The following TMEM165 variants were observed in gnomAD, a reference collection of about 807,000 sequenced individuals.
TMEM165 encodes the protein putative divalent cation/proton antiporter TMEM165.
In TMEM165, 19 loss-of-function variants were observed where a neutral mutation model predicts 30.0. The ratio of observed to expected loss-of-function variants is 0.63; its 90% CI spans 0.44 to 0.93. TMEM165 has a LOEUF of 0.93. Among genes scored for constraint, TMEM165 ranks in the 40% least tolerant of loss-of-function variants. The pLI is 0.00. For missense variants in TMEM165, 340 were observed against 417.0 expected, an observed-to-expected ratio of 0.82 and a Z score of 1.61; for synonymous variants, 168 against 162.9, an observed-to-expected ratio of 1.03 and a Z score of -0.24.
At chr4:55,422,755 T>C (rs1722034243) in intron 4 of TMEM165, among the ~76,000 whole-genome samples, 1 of 151,996 alleles carries the variant, frequency 6.6e-6, no homozygotes, top group Non-Finnish European at 1.5e-5. Flanking sequence ...TTCAAGCCAA[T>C]TCTCCTGCCT....
chr4:55,435,630 T>C, intron 3 of TMEM165: 8 of 1,606,114 alleles, frequency 5.0e-6, no homozygotes, highest in South Asian at 1.1e-5. Context: ...ATTGCTTTAC[T>C]CCCTTTATGG....
In TMEM165 at chr4:55,417,826, T is replaced by G; in HGVS notation, c.633T>G (p.Asn211Lys). ...AGTTTCAACGAACCAAACTTTTAAA[T>G]GGACCGGGAGATGTTGAAACGGGTA... ...DEEFQRTKLL[N>K]GPGDVETGTS... Residue 211 changes from asparagine (N) to lysine (K), a missense_variant, in exon 4 of 6, where the codon AAT becomes AAG. Physicochemically the swap from Asn to Lys is moderately conservative, Grantham distance 94 (BLOSUM62 0). Around this residue, in one of 2 missense-constraint regions of TMEM165, gnomAD observed 220 missense variants for 307.6 expected, o/e 0.72. Transcript: ENST00000381334. 6.2e-7 allele frequency: 1 copy of G among 1,602,990 alleles called. No homozygotes were observed. The highest frequency in any genetic ancestry group is 1.8e-5 in the Admixed American group (1 of 57,064).
intron 4 of TMEM165, chr4:55,423,671 C>T (rs1334476422): frequency 6.5e-6 from 1 of 152,734 alleles, no homozygotes; most frequent in African/African-American, 2.4e-5. Context: ...AATCCTCTTG[C>T]TTCAGCCTCC....
At chr4:55,405,739 C>T (rs1032247612) in intron 1 of TMEM165, among the ~76,000 whole-genome samples, 3 of 152,020 alleles carry the variant, frequency 2.0e-5, no homozygotes, top group East Asian at 3.9e-4. Context: ...TGCAGCTGAC[C>T]TCCTGATTGA....
intron 3 of TMEM165, among the ~76,000 whole-genome samples, chr4:55,450,952 C>T (rs74327481): frequency 0.024 from 3,602 of 151,934 alleles, 49 homozygotes; most frequent in Non-Finnish European, 0.036. Context: ...TTTCATACAG[C>T]GACACTAATC....
Position 55,403,310 on chromosome 4 carries a change from A to T in TMEM165, c.207+6914A>T, listed in dbSNP as rs750895390. On this transcript the variant is annotated intron_variant, in intron 1 of 5. Transcript: ENST00000381334. ...AAGCATCTTCATCTTCTCTAGTTTC[A>T]TCATGTATAGATGGAGATTCCGATG... 3.9e-6 allele frequency: 5 copies of T among 1,274,146 alleles called. No homozygotes were observed. The South Asian group carries it at 6.2e-5, about 16-fold the overall frequency. The allele number at this position is 1,274,146 out of a possible 1,614,324, so 78.9% of individuals were successfully genotyped here.
downstream of TMEM165, chr4:55,428,073 G>C (rs535995515): frequency 1.3e-5 from 2 of 152,282 alleles, no homozygotes; most frequent in South Asian, 4.2e-4. Flanking sequence ...AACAAAGTCT[G>C]GATCTAATTA....
At chr4:55,402,795 C>CTTTTTTTTT (rs71194554) in intron 1 of TMEM165, among the ~76,000 whole-genome samples, 2,245 of 71,224 alleles carry the variant, frequency 0.032, 565 homozygotes, top group African/African-American at 0.14. Flanking sequence ...TTAAAAAAAG[C>CTTTTTTTTT]TTTTTTTTTT....
At chr4:55,437,511 C>T (rs1405384065) in intron 3 of TMEM165, among the ~76,000 whole-genome samples, 2 of 152,186 alleles carry the variant, frequency 1.3e-5, no homozygotes, top group Non-Finnish European at 1.5e-5. Flanking sequence ...GTCTGATTCA[C>T]TAAATGATAT....
chr4:55,419,166 C>G (rs1721864238), intron 4 of TMEM165, among the ~76,000 whole-genome samples: 1 of 152,028 alleles, frequency 6.6e-6, no homozygotes, highest in Admixed American at 6.6e-5. Flanking sequence ...TATTTATTTA[C>G]TTTTTGGTAG....
At chr4:55,450,340 G>A in intron 3 of TMEM165, 1 of 1,270,710 alleles carries the variant, frequency 7.9e-7, no homozygotes, top group Middle Eastern at 2.5e-4. Flanking sequence ...CTATAACAAG[G>A]CAAAAGTACC....
chr4:55,449,350 C>G (rs1440737009), intron 3 of TMEM165: 3 of 1,490,824 alleles, frequency 2.0e-6, no homozygotes, highest in Middle Eastern at 3.5e-4. Context: ...CATTTTTCCC[C>G]TCTTAATAAA....
At chr4:55,436,953 A>T (rs1722929492) in intron 3 of TMEM165, among the ~76,000 whole-genome samples, 1 of 136,788 alleles carries the variant, frequency 7.3e-6, no homozygotes, top group African/African-American at 2.8e-5. Context: ...TCCTTGACAT[A>T]CTTAGAAGAC....
downstream of TMEM165, among the ~76,000 whole-genome samples, chr4:55,426,882 GT>G: frequency 6.6e-6 from 1 of 152,126 alleles, no homozygotes; most frequent in Admixed American, 6.5e-5. Context: ...GCACATGTTG[GT>G]AAAAAAGGTC....
Position 55,411,831 on chromosome 4 carries a change from G to A in TMEM165, c.425G>A (p.Cys142Tyr). ...ATGCTTGCCTTGGGACTAATGACAT[G>A]CTTGTCAGGTGAGTGTGCTTTTCCC... ...GAMLALGLMT[C>Y]LSVLFGYATT... Residue 142 changes from cysteine to tyrosine, a missense_variant, in exon 2 of 6, where the codon TGC (cysteine) becomes TAC (tyrosine). Transcript: ENST00000381334. 6.2e-7 allele frequency: 1 copy of A among 1,614,164 alleles called. No homozygotes were observed. Among genetic ancestry groups the A allele is most frequent in the Non-Finnish European group, 8.5e-7 (1 of 1,180,016 alleles).
At chr4:55,414,065 G>A (rs1483976082) in intron 2 of TMEM165, among the ~76,000 whole-genome samples, 2 of 152,068 alleles carry the variant, frequency 1.3e-5, no homozygotes, top group Non-Finnish European at 2.9e-5. Flanking sequence ...TCAGGAGATC[G>A]AGGCCATCCT....
intron 1 of TMEM165, among the ~76,000 whole-genome samples, chr4:55,408,484 AG>A (rs766706210): frequency 6.6e-5 from 10 of 152,178 alleles, no homozygotes; most frequent in Non-Finnish European, 1.5e-4. Context: ...TAAATACTGT[AG>A]GCAGTTGTAA....
At chr4:55,422,741 T>C (rs537500477) in intron 4 of TMEM165, among the ~76,000 whole-genome samples, 20 of 152,186 alleles carry the variant, frequency 1.3e-4, no homozygotes, top group African/African-American at 4.3e-4. Flanking sequence ...CTCAGCCTCC[T>C]GGATTCAAGC....
At chr4:55,448,644 GCTCC>G (rs1454756971) in intron 3 of TMEM165, 2 of 571,256 alleles carry the variant, frequency 3.5e-6, no homozygotes, top group Non-Finnish European at 6.4e-6. Flanking sequence ...GTGTGTGTGT[GCTCC>G]TACCTCAGCC....
Sources: allele counts gnomAD v4.1 joint callset (sites outside exome capture counted in the v4.1 genomes callset), GRCh38; gene constraint gnomAD v4.1.1; regional missense constraint gnomAD v4.1.1; transcripts MANE v1.5; gene names NCBI Gene and HGNC (gene_info 2026-07-23, HGNC 2026-07-21).